DNAJC25: variants seen among roughly 807,000 people sequenced by gnomAD.
The protein encoded by DNAJC25 is dnaJ homolog subfamily C member 25.
Under a neutral mutation model 42.1 loss-of-function variants are expected in DNAJC25, and 26 were observed. The ratio of observed to expected loss-of-function variants is 0.62; its 90% CI spans 0.45 to 0.86. The LOEUF (loss-of-function observed/expected upper bound fraction) is 0.86, where lower values mean the gene tolerates loss of function less well. DNAJC25 is among the 40% of genes least tolerant of loss of function. DNAJC25 has a pLI of 0.00. For missense variants in DNAJC25, 404 were observed against 459.4 expected, an observed-to-expected ratio of 0.88 and a Z score of 1.10; for synonymous variants, 189 against 179.9, an observed-to-expected ratio of 1.05 and a Z score of -0.40.
chr9:111,641,408 G>A (rs1156779922), intron 1 of DNAJC25, among the ~76,000 whole-genome samples: 14 of 136,658 alleles, frequency 1.0e-4, no homozygotes, highest in Admixed American at 1.4e-4. Flanking sequence ...AGGTGGGGGG[G>A]TCAGCCCTCC....
intron 3 of DNAJC25, among the ~76,000 whole-genome samples, chr9:111,651,263 CAAAAAAAAAA>C (rs10555875): frequency 9.5e-6 from 1 of 104,978 alleles, no homozygotes; most frequent in Admixed American, 1.0e-4. Context: ...GACTCTATCT[CAAAAAAAAAA>C]AAAAAAAAAA....
Position 111,653,459 on chromosome 9 carries a change from A to G in DNAJC25, c.*237A>G. 5.5e-6 allele frequency: 2 copies of G among 366,510 alleles called. No homozygotes were observed. Among genetic ancestry groups the G allele is most frequent in the Non-Finnish European group, 8.9e-6 (2 of 225,096 alleles). The allele number at this position is 366,510 out of a possible 1,614,324, so 22.7% of individuals were successfully genotyped here. On this transcript the variant is annotated 3_prime_UTR_variant, in exon 4 of 4. Coordinates refer to ENST00000313525, the MANE Select transcript of DNAJC25 (RefSeq NM_001015882.3). ...GATTTTGTTAAAAGATTTCACATGA[A>G]GATTTATTAGTTGCCATTTAAAATT...
In DNAJC25 at chr9:111,653,526, G is replaced by A; in HGVS notation, c.*304G>A. The stretch of plus-strand genomic sequence containing the variant: ...AAAGATTTGACATGAAAATTTATTA[G>A]ATACCATTTAAAAATTTTATGTGTT... On this transcript the variant is annotated 3_prime_UTR_variant, in exon 4 of 4. Coordinates refer to ENST00000313525, the MANE Select transcript of DNAJC25 (RefSeq NM_001015882.3). The A allele has an allele frequency of 5.3e-6, 1 of 189,698 alleles. No homozygotes were observed. The highest frequency in any genetic ancestry group is 1.1e-5 in the Non-Finnish European group (1 of 94,118). 11.8% of individuals were successfully genotyped at this position (189,698 alleles called of 1,614,324 possible). A position where few individuals can be genotyped will look rare whatever the true frequency, so the allele number is the denominator to read the frequency against.
At chr9:111,641,939 G>A (rs1447715199) in intron 1 of DNAJC25, among the ~76,000 whole-genome samples, 5 of 140,024 alleles carry the variant, frequency 3.6e-5, no homozygotes, top group Non-Finnish European at 6.3e-5. Flanking sequence ...GGAGGTGGGG[G>A]GTTCAGCCCC....
intron 1 of DNAJC25, among the ~76,000 whole-genome samples, chr9:111,639,333 T>C (rs1830410101): frequency 6.6e-6 from 1 of 152,244 alleles, no homozygotes; most frequent in South Asian, 2.1e-4. Flanking sequence ...TAGTATTAAC[T>C]GATACACAGA....
intron 1 of DNAJC25, among the ~76,000 whole-genome samples, chr9:111,641,149 G>A (rs1172919203): frequency 8.9e-6 from 1 of 112,642 alleles, no homozygotes; most frequent in African/African-American, 4.0e-5. Context: ...CCCCCCACCC[G>A]GCCAGCCGCC....
intron 1 of DNAJC25, among the ~76,000 whole-genome samples, chr9:111,638,889 C>CA (rs1451941736): frequency 6.6e-6 from 1 of 151,650 alleles, no homozygotes; most frequent in Non-Finnish European, 1.5e-5. Flanking sequence ...AGATCCTCAA[C>CA]AGTCCTTATC....
At chr9:111,649,332 TC>T in intron 2 of DNAJC25, 120 bp from the exon 3 acceptor site, 1 of 1,418,318 alleles carries the variant, frequency 7.1e-7, no homozygotes, top group African/African-American at 1.4e-5. Context: ...ATCTTTGAGA[TC>T]CCTATTTTTA....
At position 111,633,806 on chromosome 9, in the gene DNAJC25, C is replaced by T. The variant is rs375399014; in HGVS notation, c.336+2063C>T. ...CTGATCTGATGAATCTATATGGTTG[C>T]CTCTAAAGGTTTCTACCCCTAAAGT... On this transcript the variant is annotated intron_variant, in intron 1 of 3. Coordinates refer to ENST00000313525, the MANE Select transcript of DNAJC25 (RefSeq NM_001015882.3). 5.9e-5 allele frequency among the ~76,000 whole-genome samples: 9 copies of T among 152,138 alleles called. No individual in the cohort carries two copies. The East Asian group carries it at 7.7e-4, about 13-fold the overall frequency.
At position 111,649,740 on chromosome 9, in the gene DNAJC25, T is replaced by C. The variant is rs748375928; in HGVS notation, c.777T>C (p.Tyr259=). The change falls in exon 3 of 4, where the codon TAT becomes TAC. Residue 259 remains tyrosine, a synonymous_variant. Coordinates refer to ENST00000313525, the MANE Select transcript of DNAJC25 (RefSeq NM_001015882.3). ...IILAPFHLCS[Y]IVWYCRWIYN... ...TAGCTCCTTTTCACCTATGCTCATA[T>C]ATAGTTTGGTATTGTCGGTGGATCT... 2 of 1,614,164 alleles carry C rather than the reference T, an allele frequency of 1.2e-6. No individual in the cohort carries two copies. The highest frequency in any genetic ancestry group is 1.7e-5 in the Admixed American group (1 of 60,030).
chr9:111,642,981 G>A (rs900502802), intron 1 of DNAJC25: 1 of 469,162 alleles, frequency 2.1e-6, no homozygotes, highest in African/African-American at 2.0e-5. Context: ...AGGACAGACA[G>A]GAGGAAGAAA....
intron 1 of DNAJC25, among the ~76,000 whole-genome samples, chr9:111,645,345 C>T (rs1247332903): frequency 2.0e-5 from 3 of 151,828 alleles, no homozygotes; most frequent in Non-Finnish European, 4.4e-5. Flanking sequence ...ACCTCCACCT[C>T]CCAGGTTCAA....
chr9:111,646,670 A>G (rs1029829685), intron 1 of DNAJC25, among the ~76,000 whole-genome samples: 1 of 152,202 alleles, frequency 6.6e-6, no homozygotes, highest in Non-Finnish European at 1.5e-5. Flanking sequence ...TTGTAGGCAC[A>G]GACTGGCTTC....
chr9:111,634,974 T>G (rs1214878459), intron 1 of DNAJC25, among the ~76,000 whole-genome samples: 2 of 152,226 alleles, frequency 1.3e-5, no homozygotes, highest in Admixed American at 1.3e-4. Context: ...CAGTTCCAGA[T>G]CTCAGCAAAA....
intron 1 of DNAJC25, among the ~76,000 whole-genome samples, chr9:111,637,937 T>G (rs1172214937): frequency 6.6e-6 from 1 of 152,230 alleles, no homozygotes; most frequent in East Asian, 1.9e-4. Flanking sequence ...TTCTCCTTTG[T>G]GTACTCTTTT....
chr9:111,631,607 G>T lies in DNAJC25; in HGVS notation c.200G>T (p.Arg67Leu). The change falls in exon 1 of 4, where the codon CGG (arginine) becomes CTG (leucine). Residue 67 changes from arginine (R) to leucine (L), a missense_variant. Coordinates refer to ENST00000313525, the MANE Select transcript of DNAJC25 (RefSeq NM_001015882.3). Reference protein sequence around the residue: ...SRSAGKAEIARAYRQLARRYH... With the variant: ...SRSAGKAEIALAYRQLARRYH... ...TCGGCGGGCAAGGCGGAGATCGCGCGGGCCTACCGCCAGCTGGCCCGGCGC... is the reference window on the plus strand; with the variant it reads ...TCGGCGGGCAAGGCGGAGATCGCGCTGGCCTACCGCCAGCTGGCCCGGCGC... The T allele has an allele frequency of 6.7e-7, 1 of 1,486,028 alleles. No homozygotes were observed. Among genetic ancestry groups the T allele is most frequent in the South Asian group, 1.3e-5 (1 of 78,954 alleles). The allele number at this position is 1,486,028 out of a possible 1,614,324, so 92.1% of individuals were successfully genotyped here.
intron 1 of DNAJC25, among the ~76,000 whole-genome samples, chr9:111,645,540 C>T (rs927626232): frequency 6.6e-5 from 10 of 152,054 alleles, no homozygotes; most frequent in African/African-American, 2.2e-4. Flanking sequence ...CAGGAGTGAG[C>T]GCCTGTGCCC....
At chr9:111,646,621 G>A (rs758002155) in intron 1 of DNAJC25, among the ~76,000 whole-genome samples, 7 of 152,186 alleles carry the variant, frequency 4.6e-5, no homozygotes, top group Non-Finnish European at 1.0e-4. Context: ...GGGCTGCATG[G>A]GTGTCTCAGT....
chr9:111,647,792 TG>T (rs1830589883), intron 2 of DNAJC25, among the ~76,000 whole-genome samples: 1 of 152,234 alleles, frequency 6.6e-6, no homozygotes, highest in African/African-American at 2.4e-5. Context: ...TTTTTGTTTT[TG>T]TTTTGAGACA....
Sources: allele counts gnomAD v4.1 joint callset (sites outside exome capture counted in the v4.1 genomes callset), GRCh38; gene constraint gnomAD v4.1.1; transcripts MANE v1.5; gene names NCBI Gene and HGNC (gene_info 2026-07-23, HGNC 2026-07-21).